SPMIP11: variants seen among roughly 807,000 people sequenced by gnomAD.
SPMIP11 encodes sperm microtubule inner protein 11, also known as long intergenic non-protein coding RNA 935.
At chr12:48,746,223 T>C in the SPMIP11 span, among the ~76,000 whole-genome samples, 1 of 152,146 alleles carries the variant, frequency 6.6e-6, no homozygotes, top group Non-Finnish European at 1.5e-5. Context: ...TGCAGAGTGC[T>C]TTTTTAAAAA....
chr12:48,734,358 G>T, the SPMIP11 span, among the ~76,000 whole-genome samples: 2 of 152,008 alleles, frequency 1.3e-5, no homozygotes, highest in East Asian at 1.9e-4. Flanking sequence ...GAATCCTCCC[G>T]CCCCATCCTC....
At chr12:48,748,497 GAAA>G in the SPMIP11 span, among the ~76,000 whole-genome samples, 7 of 129,174 alleles carry the variant, frequency 5.4e-5, no homozygotes, top group African/African-American at 1.4e-4. Context: ...TCACGGTCTA[GAAA>G]AAAAAAAAAA....
chr12:48,742,752 G>T, the SPMIP11 span, among the ~76,000 whole-genome samples: 6 of 151,960 alleles, frequency 3.9e-5, no homozygotes, highest in African/African-American at 1.4e-4. Context: ...GGGCATGGTG[G>T]CTCATGCCTG....
At chr12:48,732,868 C>T in the SPMIP11 span, among the ~76,000 whole-genome samples, 7 of 150,080 alleles carry the variant, frequency 4.7e-5, no homozygotes, top group South Asian at 8.4e-4. Flanking sequence ...TGGCTGGGAG[C>T]GGTGGCTCAC....
chr12:48,769,239 C>G, the SPMIP11 span, among the ~76,000 whole-genome samples: 1 of 151,586 alleles, frequency 6.6e-6, no homozygotes, highest in Admixed American at 6.6e-5. Context: ...GAAACCCTAT[C>G]TTTACAAAAA....
chr12:48,731,977 C>A, the SPMIP11 span, among the ~76,000 whole-genome samples: 63 of 151,938 alleles, frequency 4.1e-4, no homozygotes, highest in African/African-American at 1.5e-3. Context: ...GGCAAAACCG[C>A]GTCTCTACTA....
At chr12:48,730,209 A>G in the SPMIP11 span, among the ~76,000 whole-genome samples, 2 of 152,212 alleles carry the variant, frequency 1.3e-5, no homozygotes, top group East Asian at 3.8e-4. Context: ...TATAGGCTAG[A>G]CAAAGTGGAA....
chr12:48,759,452 G>T, the SPMIP11 span: 65 of 601,150 alleles, frequency 1.1e-4, no homozygotes, highest in Non-Finnish European at 2.0e-4. Flanking sequence ...ACTTTGGGAG[G>T]CCGAGGCAGG....
At chr12:48,732,219 C>A in the SPMIP11 span, among the ~76,000 whole-genome samples, 1 of 151,508 alleles carries the variant, frequency 6.6e-6, no homozygotes. Context: ...TATAGGAGTT[C>A]AAACATATTC....
chr12:48,731,550 T>G, the SPMIP11 span, among the ~76,000 whole-genome samples: 3 of 152,138 alleles, frequency 2.0e-5, no homozygotes, highest in Admixed American at 6.6e-5. Flanking sequence ...AGCTCACCAT[T>G]CACTGGCGCT....
chr12:48,758,883 G>C, the SPMIP11 span, among the ~76,000 whole-genome samples: 1 of 152,178 alleles, frequency 6.6e-6, no homozygotes, highest in African/African-American at 2.4e-5. Flanking sequence ...CCAATCCCAG[G>C]AAAGGAATGT....
chr12:48,744,076 C>T, the SPMIP11 span, among the ~76,000 whole-genome samples: 1 of 150,408 alleles, frequency 6.6e-6, no homozygotes, highest in Non-Finnish European at 1.5e-5. Flanking sequence ...TGGAGAAACC[C>T]CATCTCTACT....
At chr12:48,727,998 C>A in the SPMIP11 span, among the ~76,000 whole-genome samples, 2 of 151,572 alleles carry the variant, frequency 1.3e-5, no homozygotes, top group African/African-American at 4.8e-5. Context: ...ATGAAGTGAG[C>A]CATGATCACA....
chr12:48,732,130 T>C, the SPMIP11 span, among the ~76,000 whole-genome samples: 1 of 142,892 alleles, frequency 7.0e-6, no homozygotes, highest in South Asian at 2.2e-4. Context: ...GCCTGGGCGA[T>C]AGAGTAAGAT....
At chr12:48,739,210 A>G in the SPMIP11 span, among the ~76,000 whole-genome samples, 1 of 152,218 alleles carries the variant, frequency 6.6e-6, no homozygotes, top group South Asian at 2.1e-4. Context: ...TTCTGATTTA[A>G]GGGTAAGAAA....
the SPMIP11 span, among the ~76,000 whole-genome samples, chr12:48,765,208 C>A: frequency 2.0e-5 from 3 of 152,114 alleles, no homozygotes; most frequent in Non-Finnish European, 2.9e-5. Context: ...GTGGGTGTGA[C>A]TTCTGAGCTA....
chr12:48,738,630 G>C, the SPMIP11 span, among the ~76,000 whole-genome samples: 1 of 151,960 alleles, frequency 6.6e-6, no homozygotes, highest in South Asian at 2.1e-4. Flanking sequence ...CGCCTCCGGG[G>C]TTCATGCCAT....
chr12:48,761,640 T>C, the SPMIP11 span, among the ~76,000 whole-genome samples: 1 of 140,402 alleles, frequency 7.1e-6, no homozygotes, highest in Non-Finnish European at 1.5e-5. Context: ...ATGTAGGACA[T>C]CAAAGCATGA....
At chr12:48,755,829 A>G in the SPMIP11 span, among the ~76,000 whole-genome samples, 1 of 151,452 alleles carries the variant, frequency 6.6e-6, no homozygotes, top group Non-Finnish European at 1.5e-5. Flanking sequence ...TTCTCAGTCT[A>G]GACTGGCCAC....
Sources: gnomAD v4.1 joint callset for allele counts (sites outside exome capture counted in the v4.1 genomes callset) on GRCh38, gnomAD v4.1.1 for gene constraint, MANE v1.5 for transcripts, NCBI Gene and HGNC (gene_info 2026-07-23, HGNC 2026-07-21) for gene names.